TRAPPC9: variants seen among roughly 807,000 people sequenced by gnomAD.
TRAPPC9 encodes the protein trafficking protein particle complex subunit 9.
Under a neutral mutation model 124.0 loss-of-function variants are expected in TRAPPC9, and 83 were observed. The ratio of observed to expected loss-of-function variants is 0.67; its 90% confidence interval spans 0.56 to 0.80. The LOEUF (loss-of-function observed/expected upper bound fraction) is 0.80, where lower values mean the gene tolerates loss of function less well. TRAPPC9 is among the 30% of genes least tolerant of loss of function. The probability of loss-of-function intolerance (pLI) is 0.00; values close to 1 mark genes in which losing one functional copy is unlikely to be tolerated. For synonymous variants in TRAPPC9, 638 were observed against 617.5 expected (o/e 1.03, Z -0.49); for missense variants, 1,302 against 1,508.3 (o/e 0.86, Z 2.27).
Position 139,729,998 on chromosome 8 carries a change from A to G in TRAPPC9, c.*1063T>C, listed in dbSNP as rs771396321. On this transcript the variant is annotated 3_prime_UTR_variant, in exon 23 of 23. Coordinates refer to ENST00000438773, the MANE Select transcript of TRAPPC9 (RefSeq NM_001160372.4). ...AGAACAGGACTCTTGTGGGTAGTGT[A>G]GACACACCCCAGCTCTGGCCCTCAA... Among the ~76,000 whole-genome samples, 7 of 152,134 alleles carry G rather than the reference A, an allele frequency of 4.6e-5. No individual in the cohort carries two copies. Among genetic ancestry groups the G allele is most frequent in the Non-Finnish European group, 8.8e-5 (6 of 68,002 alleles).
At chr8:140,409,786 T>C (rs576621641) in intron 5 of TRAPPC9, among the ~76,000 whole-genome samples, 60 of 152,108 alleles carry the variant, frequency 3.9e-4, no homozygotes, top group Admixed American at 1.8e-3. Context: ...ATTTAAAAAA[T>C]AAGAAGAAGA....
chr8:139,833,591 A>C (rs903138986), intron 21 of TRAPPC9, among the ~76,000 whole-genome samples: 3 of 152,252 alleles, frequency 2.0e-5, no homozygotes, highest in African/African-American at 7.2e-5. Context: ...GGCTTGCCCT[A>C]AACGCAGGCC....
At chr8:140,262,364 G>T (rs1015366832) in intron 15 of TRAPPC9, among the ~76,000 whole-genome samples, 2 of 150,792 alleles carry the variant, frequency 1.3e-5, no homozygotes, top group Non-Finnish European at 2.9e-5. Context: ...TCCCATCCAT[G>T]CTCCCGAGGC....
chr8:140,332,565 C>G (rs1287333431), intron 9 of TRAPPC9, among the ~76,000 whole-genome samples: 1 of 151,984 alleles, frequency 6.6e-6, no homozygotes, highest in Non-Finnish European at 1.5e-5. Context: ...TGTATCAAAA[C>G]ATTACACAGT....
At chr8:139,841,026 C>T (rs1826694268) in intron 21 of TRAPPC9, among the ~76,000 whole-genome samples, 1 of 152,178 alleles carries the variant, frequency 6.6e-6, no homozygotes, top group Admixed American at 6.5e-5. Flanking sequence ...AATTCTAGAG[C>T]TAGAAGTATG....
chr8:140,371,010 C>T lies in TRAPPC9; in HGVS notation c.1305G>A (p.Thr435=), dbSNP rs767003560. The change falls in exon 8 of 23, where the codon ACG becomes ACA. Residue 435 remains threonine (T), a synonymous_variant. Coordinates refer to ENST00000438773, the MANE Select transcript of TRAPPC9 (RefSeq NM_001160372.4). ...CCAGCGACAGACTGTAGCCGGGCAG[C>T]GTTTCCAGGAGGAGTTTGTAGCAGG... ...WRACYKLLLE[T]LPGYSLSLDP... is the part of the protein sequence containing the mutation. 23 of 1,614,130 alleles carry T rather than the reference C, an allele frequency of 1.4e-5. No individual in the cohort carries two copies. The South Asian group carries it at 2.0e-4, about 14-fold the overall frequency.
rs2130810419 is a variant in TRAPPC9, at chr8:139,824,858, T to G, written c.3055+61021A>C. Among the ~76,000 whole-genome samples, 3 of 152,312 alleles carry G rather than the reference T, an allele frequency of 2.0e-5. No homozygotes were observed. The Middle Eastern group carries it at 0.01, about 518-fold the overall frequency. The stretch of plus-strand genomic sequence containing the variant: ...GATTATAGGTGTGAGCCACTGTGCC[T>G]AGCTGACTTTACCTTTGTAAAAGGT... On this transcript the variant is annotated intron_variant, in intron 21 of 22. Transcript: ENST00000438773.
intron 20 of TRAPPC9, among the ~76,000 whole-genome samples, chr8:139,901,598 G>A (rs1302412483): frequency 6.6e-6 from 1 of 152,230 alleles, no homozygotes; most frequent in Non-Finnish European, 1.5e-5. Context: ...ACAGTGGAGA[G>A]CAGGTGAAAT....
At chr8:140,208,023 G>A (rs1211548518) in intron 17 of TRAPPC9, among the ~76,000 whole-genome samples, 2 of 151,964 alleles carry the variant, frequency 1.3e-5, no homozygotes, top group Non-Finnish European at 2.9e-5. Flanking sequence ...TGGTGCACAC[G>A]CATGTAGTCC....
At chr8:140,141,776 G>A (rs947279644) in intron 17 of TRAPPC9, among the ~76,000 whole-genome samples, 2 of 152,198 alleles carry the variant, frequency 1.3e-5, no homozygotes, top group African/African-American at 4.8e-5. Flanking sequence ...GATGACTTCA[G>A]CACCCCGGCG....
chr8:140,060,571 GCCCTACCCATCCCTACCCAA>G (rs925832413), intron 17 of TRAPPC9, among the ~76,000 whole-genome samples: 2 of 135,364 alleles, frequency 1.5e-5, no homozygotes, highest in Admixed American at 7.7e-5. Flanking sequence ...TCCCAACCCA[GCCCTACCCATCCCTACCCAA>G]CCCTACCCAT....
chr8:140,197,567 T>G (rs2131138118), intron 17 of TRAPPC9, among the ~76,000 whole-genome samples: 1 of 152,340 alleles, frequency 6.6e-6, no homozygotes, highest in East Asian at 1.9e-4. Context: ...TGCATCTGCC[T>G]CGGTATCAAG....
intron 18 of TRAPPC9, among the ~76,000 whole-genome samples, chr8:139,995,861 T>TAAAA (rs35970083): frequency 3.1e-5 from 3 of 96,888 alleles, no homozygotes; most frequent in Non-Finnish European, 6.0e-5. Flanking sequence ...TACTCTGCAT[T>TAAAA]AAAAAAAAAA....
intron 18 of TRAPPC9, among the ~76,000 whole-genome samples, chr8:140,015,432 G>C (rs552181071): frequency 6.6e-6 from 1 of 152,312 alleles, no homozygotes; most frequent in South Asian, 2.1e-4. Context: ...CATGCATCAC[G>C]TAACTTCAAT....
At chr8:139,760,650 A>T (rs1353721794) in intron 21 of TRAPPC9, among the ~76,000 whole-genome samples, 1 of 152,152 alleles carries the variant, frequency 6.6e-6, no homozygotes, top group Non-Finnish European at 1.5e-5. Context: ...CTCGCCTTCC[A>T]CCAGCCCTCA....
chr8:139,919,475 A>G (rs1050242730), intron 19 of TRAPPC9, among the ~76,000 whole-genome samples: 10 of 152,224 alleles, frequency 6.6e-5, no homozygotes, highest in African/African-American at 1.9e-4. Context: ...TACACTTCAA[A>G]TGGGTAAATT....
At chr8:140,258,928 G>C (rs4736027) in intron 15 of TRAPPC9, among the ~76,000 whole-genome samples, 39,565 of 152,110 alleles carry the variant, frequency 0.26, 6,111 homozygotes, top group East Asian at 0.73. Context: ...GGCCCTGTAA[G>C]AGCCTCCCCT....
chr8:140,327,810 C>T (rs751502784), intron 9 of TRAPPC9, among the ~76,000 whole-genome samples: 5 of 151,980 alleles, frequency 3.3e-5, no homozygotes, highest in South Asian at 4.1e-4. Context: ...TTTGGAGTGA[C>T]GAAAAAGTTC....
chr8:140,426,769 C>CAG, intron 4 of TRAPPC9, 128 bp from the exon 5 acceptor site: 1 of 883,120 alleles, frequency 1.1e-6, no homozygotes, highest in Admixed American at 2.1e-5. Flanking sequence ...ATCAGAAAAG[C>CAG]AATTCTGAGG....
Sources: allele counts gnomAD v4.1 joint callset (sites outside exome capture counted in the v4.1 genomes callset), GRCh38; gene constraint gnomAD v4.1.1; transcripts MANE v1.5; gene names NCBI Gene and HGNC (gene_info 2026-07-23, HGNC 2026-07-21).